LARGE1: variants seen among roughly 807,000 people sequenced by gnomAD.
The protein encoded by LARGE1 is LARGE xylosyl- and glucuronyltransferase 1.
A neutral mutation model predicts 87.6 loss-of-function variants in LARGE1; 43 were observed. The observed-to-expected ratio is 0.49, with a 90% CI of 0.38 to 0.63. The LOEUF is 0.63. LARGE1 is among the 30% of genes least tolerant of loss of function. The probability of loss-of-function intolerance (pLI) is 0.00; values close to 1 mark genes in which losing one functional copy is unlikely to be tolerated. For missense variants in LARGE1, 802 were observed against 1,000.2 expected, an observed-to-expected ratio of 0.80 and a Z score of 2.67; for synonymous variants, 434 against 394.6, an observed-to-expected ratio of 1.10 and a Z score of -1.18.
At chr22:33,384,465 T>C (rs374476446) in intron 7 of LARGE1, among the ~76,000 whole-genome samples, 161 bp from the exon 8 acceptor site, 1 of 149,868 alleles carries the variant, frequency 6.7e-6, no homozygotes, top group African/African-American at 2.4e-5. Flanking sequence ...CTAAAAATTC[T>C]TCCAATGAGG....
chr22:33,382,563 G>T (rs2065193931), intron 8 of LARGE1, among the ~76,000 whole-genome samples: 1 of 152,110 alleles, frequency 6.6e-6, no homozygotes, highest in South Asian at 2.1e-4. Context: ...GCAGCCCATG[G>T]TGCCCAGGAT....
chr22:33,576,697 C>T (rs770450543), intron 5 of LARGE1, among the ~76,000 whole-genome samples: 4 of 152,032 alleles, frequency 2.6e-5, no homozygotes, highest in Non-Finnish European at 4.4e-5. Context: ...GTTCCAGCAC[C>T]CTCAAGGATA....
the LARGE1 span, among the ~76,000 whole-genome samples, chr22:33,102,838 T>C: frequency 6.6e-6 from 1 of 152,024 alleles, no homozygotes; most frequent in East Asian, 1.9e-4. Context: ...TTTCCACACC[T>C]TGCAATCTCT....
intron 7 of LARGE1, among the ~76,000 whole-genome samples, chr22:33,414,458 C>A (rs2066416868): frequency 6.6e-6 from 1 of 152,040 alleles, no homozygotes; most frequent in African/African-American, 2.4e-5. Flanking sequence ...AGGTTGAGGG[C>A]TGCAGATACA....
chr22:33,330,504 T>C (rs1223752583), intron 10 of LARGE1, among the ~76,000 whole-genome samples: 2 of 152,094 alleles, frequency 1.3e-5, no homozygotes, highest in Non-Finnish European at 2.9e-5. Context: ...TGGATATTCT[T>C]GAGGGGCTGG....
chr22:33,585,145 A>C (rs1235804841), intron 5 of LARGE1, among the ~76,000 whole-genome samples: 1 of 152,064 alleles, frequency 6.6e-6, no homozygotes, highest in African/African-American at 2.4e-5. Context: ...CAAACAAACA[A>C]ACACCACAGA....
intron 3 of LARGE1, among the ~76,000 whole-genome samples, chr22:33,637,517 C>T (rs542459673): frequency 4.7e-4 from 71 of 152,124 alleles, no homozygotes; most frequent in South Asian, 8.3e-4. Flanking sequence ...GTGTCAGAGC[C>T]GGGCTGTATG....
At chr22:33,350,468 G>A (rs1940258743) in intron 9 of LARGE1, among the ~76,000 whole-genome samples, 2 of 152,190 alleles carry the variant, frequency 1.3e-5, no homozygotes, top group African/African-American at 4.8e-5. Context: ...CCTCGGGGGT[G>A]TGACTGGAGG....
intron 12 of LARGE1, among the ~76,000 whole-genome samples, chr22:33,293,575 T>C (rs1255755154): frequency 6.6e-6 from 1 of 152,046 alleles, no homozygotes; most frequent in Non-Finnish European, 1.5e-5. Flanking sequence ...AAAATGAACT[T>C]CTTTGAGTTC....
intron 2 of LARGE1, among the ~76,000 whole-genome samples, chr22:33,756,274 ATCT>A (rs1341717762): frequency 8.5e-5 from 13 of 152,152 alleles, no homozygotes; most frequent in Non-Finnish European, 1.8e-4. Context: ...TGGGGACCAA[ATCT>A]TCTCCCGGCA....
rs1023674163 is a variant in LARGE1, at chr22:33,355,619, T to C, written c.1132-17818A>G. On this transcript the variant is annotated intron_variant, in intron 9 of 14. Transcript: ENST00000397394. ...CCCATGATCCATTCAATTTATGGTC[T>C]TTTCCAGAATCTCAAAAGTAGATCT... is the stretch of plus-strand genomic sequence containing the variant. Among the ~76,000 whole-genome samples the C allele has an allele frequency of 5.9e-5, 9 of 151,814 alleles. 1 individual carries two copies. Among genetic ancestry groups the C allele is most frequent in the African/African-American group, 2.2e-4 (9 of 41,428 alleles).
downstream of LARGE1, among the ~76,000 whole-genome samples, chr22:33,158,344 G>A (rs180698201): frequency 4.5e-4 from 69 of 152,212 alleles, no homozygotes; most frequent in Non-Finnish European, 8.1e-4. Context: ...GCAAAAGAAG[G>A]CAGTAAGAGA....
intron 1 of LARGE1, among the ~76,000 whole-genome samples, chr22:33,772,493 T>C (rs911303011): frequency 2.0e-5 from 3 of 152,044 alleles, no homozygotes; most frequent in African/African-American, 7.2e-5. Flanking sequence ...TTCTGGAACA[T>C]GCCTCAGGGT....
Position 33,173,952 on chromosome 22 carries a change from A to C in LARGE1, c.1731-7120T>G, listed in dbSNP as rs528475682. Among the ~76,000 whole-genome samples the C allele has an allele frequency of 2.0e-5, 3 of 152,238 alleles. No individual in the cohort carries two copies. The South Asian group carries it at 6.2e-4, about 32-fold the overall frequency. On this transcript the variant is annotated intron_variant, in intron 11 of 11. Coordinates refer to the LARGE1 transcript ENST00000608642. ...ATCAATGAGACAGAAGATCAACATGAATATTCAGGACATGAACTCAGCTCT... is the reference window on the plus strand; with the variant it reads ...ATCAATGAGACAGAAGATCAACATGCATATTCAGGACATGAACTCAGCTCT...
chr22:33,111,257 A>G, the LARGE1 span, among the ~76,000 whole-genome samples: 1 of 152,120 alleles, frequency 6.6e-6, no homozygotes, highest in Non-Finnish European at 1.5e-5. Flanking sequence ...GTTTCTCAGG[A>G]TCGCCGCTTC....
chr22:33,553,527 A>G (rs2077590233), intron 6 of LARGE1, among the ~76,000 whole-genome samples: 1 of 152,154 alleles, frequency 6.6e-6, no homozygotes, highest in South Asian at 2.1e-4. Context: ...AAAACAAAAC[A>G]AAACAAAACA....
At chr22:33,829,850 T>C (rs2062914000) in intron 1 of LARGE1, among the ~76,000 whole-genome samples, 1 of 151,932 alleles carries the variant, frequency 6.6e-6, no homozygotes, top group African/African-American at 2.4e-5. Flanking sequence ...GCAGCCCGGG[T>C]TGGAGTTAAC....
chr22:33,806,684 G>A (rs2086319973), intron 1 of LARGE1, among the ~76,000 whole-genome samples: 2 of 152,110 alleles, frequency 1.3e-5, no homozygotes, highest in Admixed American at 1.3e-4. Flanking sequence ...TGTGCTACTC[G>A]GAGGAAGATA....
intron 6 of LARGE1, among the ~76,000 whole-genome samples, chr22:33,534,677 C>T (rs1047114010): frequency 2.0e-5 from 3 of 152,170 alleles, no homozygotes; most frequent in South Asian, 2.1e-4. Context: ...CCCAGGCCTC[C>T]GAGGCGGGGC....
Sources: gnomAD v4.1 joint callset for allele counts (sites outside exome capture counted in the v4.1 genomes callset) on GRCh38, gnomAD v4.1.1 for gene constraint, MANE v1.5 for transcripts, NCBI Gene and HGNC (gene_info 2026-07-23, HGNC 2026-07-21) for gene names.